The following MTCL1 variants were observed in gnomAD, a reference collection of about 807,000 sequenced individuals.
MTCL1 encodes microtubule crosslinking factor 1.
In MTCL1, 79 loss-of-function variants were observed where a neutral mutation model predicts 141.4. The ratio of observed to expected loss-of-function variants is 0.56; its 90% CI spans 0.47 to 0.67. MTCL1 has a LOEUF of 0.67. Ranked by LOEUF, MTCL1 falls within the 30% of genes least tolerant of loss-of-function variation. The probability of loss-of-function intolerance (pLI) is 0.00; values close to 1 mark genes in which losing one functional copy is unlikely to be tolerated. For synonymous variants in MTCL1, 914 were observed against 875.8 expected (o/e 1.04, Z -0.77); for missense variants, 2,177 against 2,113.9 (o/e 1.03, Z -0.59).
At chr18:8,736,704 C>A (rs2096276266) in intron 4 of MTCL1, among the ~76,000 whole-genome samples, 1 of 140,878 alleles carries the variant, frequency 7.1e-6, no homozygotes, top group Non-Finnish European at 1.5e-5. Flanking sequence ...GTGGCTGGAT[C>A]TTGGCTCACT....
intron 3 of MTCL1, 61 bp from the exon 3 acceptor site, chr18:8,720,277 T>C: frequency 1.3e-6 from 2 of 1,562,410 alleles, no homozygotes; most frequent in East Asian, 2.2e-5. Flanking sequence ...TGTTGTCTGA[T>C]AGTACCCTTA....
At chr18:8,785,584 C>T in intron 6 of MTCL1, 1 of 261,778 alleles carries the variant, frequency 3.8e-6, no homozygotes, top group Non-Finnish European at 7.3e-6. Context: ...TTTCCGTTTC[C>T]TTCACGGGTA....
In MTCL1 at chr18:8,738,162, A is replaced by G. The variant is rs763446395; in HGVS notation, c.357+17666A>G. Among the ~76,000 whole-genome samples the G allele has an allele frequency of 1.5e-4, 23 of 152,270 alleles. No individual in the cohort carries two copies. The Middle Eastern group carries it at 0.014, about 90-fold the overall frequency. On this transcript the variant is annotated intron_variant, in intron 4 of 16. Coordinates refer to ENST00000359865, the Ensembl canonical transcript of MTCL1. ...GTGGGGTGGGCTTCCTCTCACCGCA[A>G]AGCTTAGGGGCCCATTCCCACCTGG... is the stretch of plus-strand genomic sequence containing the variant.
chr18:8,727,895 C>CCTCT (rs35191368), intron 4 of MTCL1, among the ~76,000 whole-genome samples: 73 of 142,206 alleles, frequency 5.1e-4, no homozygotes, highest in South Asian at 4.1e-3. Flanking sequence ...TCCCTCCCTC[C>CCTCT]CTCTCTCTCT....
chr18:8,750,266 G>A (rs1238718647), intron 4 of MTCL1, among the ~76,000 whole-genome samples: 2 of 152,100 alleles, frequency 1.3e-5, no homozygotes, highest in South Asian at 2.1e-4. Flanking sequence ...GGCTGGTCTC[G>A]AACTCCTGAC....
rs547791502 is a variant in MTCL1, at chr18:8,746,850, G to A, written c.357+26354G>A. Among the ~76,000 whole-genome samples, 9 of 152,252 alleles carry A rather than the reference G, an allele frequency of 5.9e-5. No homozygotes were observed. In the South Asian group the frequency reaches 8.3e-4, roughly 14 times the overall value. ...TCATGAATATATACCCGAGGACCGC[G>A]TGCACCTACAATAAATGCAAAAAGG... is the stretch of plus-strand genomic sequence containing the variant. On this transcript the variant is annotated intron_variant, in intron 4 of 16. Coordinates refer to ENST00000359865, the Ensembl canonical transcript of MTCL1.
At chr18:8,748,859 G>A (rs1194796031) in intron 4 of MTCL1, among the ~76,000 whole-genome samples, 1 of 152,100 alleles carries the variant, frequency 6.6e-6, no homozygotes, top group Admixed American at 6.6e-5. Context: ...GGGGACCTTT[G>A]TATCTTATGT....
chr18:8,760,656 C>A (rs2096427417), intron 4 of MTCL1, among the ~76,000 whole-genome samples: 1 of 152,110 alleles, frequency 6.6e-6, no homozygotes, highest in Admixed American at 6.6e-5. Context: ...TTTCTTTACT[C>A]CTTTCTTTCT....
intron 5 of MTCL1, among the ~76,000 whole-genome samples, chr18:8,780,449 G>A (rs796220511): frequency 1.3e-5 from 2 of 152,364 alleles, no homozygotes; most frequent in African/African-American, 4.8e-5. Flanking sequence ...GCTCAAGAAG[G>A]GTGGAGAGTG....
At chr18:8,789,399 C>T (rs1280963721) in intron 7 of MTCL1, 6 of 985,208 alleles carry the variant, frequency 6.1e-6, no homozygotes, top group Non-Finnish European at 7.2e-6. Context: ...AGTAGCATTG[C>T]TAGGCACTCT....
intron 4 of MTCL1, among the ~76,000 whole-genome samples, chr18:8,753,750 G>A (rs72936061): frequency 3.9e-5 from 6 of 152,288 alleles, no homozygotes; most frequent in South Asian, 4.1e-4. Flanking sequence ...CTGCAAACAC[G>A]GTCCTGAGAA....
At chr18:8,761,666 G>A (rs538057964) in intron 4 of MTCL1, among the ~76,000 whole-genome samples, 1 of 152,188 alleles carries the variant, frequency 6.6e-6, no homozygotes, top group African/African-American at 2.4e-5. Context: ...AGTTCCACAT[G>A]GCTGGGGAGA....
chr18:8,788,895 C>T (rs190139852), intron 7 of MTCL1, among the ~76,000 whole-genome samples: 2 of 152,288 alleles, frequency 1.3e-5, no homozygotes, highest in East Asian at 1.9e-4. Flanking sequence ...GAGATATTAG[C>T]GAGATGCTCA....
chr18:8,791,868 A>G (rs2075738686), intron 7 of MTCL1, among the ~76,000 whole-genome samples: 1 of 145,624 alleles, frequency 6.9e-6, no homozygotes, highest in Non-Finnish European at 1.5e-5. Flanking sequence ...CTAGCTTTCA[A>G]AGTTTTATGC....
intron 7 of MTCL1, chr18:8,786,529 C>T: frequency 8.2e-6 from 3 of 366,458 alleles, no homozygotes; most frequent in South Asian, 6.1e-5. Flanking sequence ...CCCACGGTCT[C>T]GAGTGACACT....
At chr18:8,808,555 T>G (rs569916865) in intron 11 of MTCL1, among the ~76,000 whole-genome samples, 1 of 152,282 alleles carries the variant, frequency 6.6e-6, no homozygotes, top group South Asian at 2.1e-4. Flanking sequence ...CCCAAATCAT[T>G]TAGGAAGTTT....
chr18:8,824,568 A>C (rs1163858993), intron 14 of MTCL1, 131 bp from the exon 14 acceptor site: 69 of 698,508 alleles, frequency 9.9e-5, no homozygotes, highest in Non-Finnish European at 4.8e-6. Context: ...TGAGCAGCTG[A>C]CAGTGTTCTC....
At chr18:8,815,044 C>T (rs149147640) in intron 12 of MTCL1, among the ~76,000 whole-genome samples, 2,213 of 152,140 alleles carry the variant, frequency 0.015, 49 homozygotes, top group African/African-American at 0.051. Context: ...CTAGTTCAAC[C>T]ATTGTGGAAG....
At chr18:8,759,729 A>G (rs1453858036) in intron 4 of MTCL1, among the ~76,000 whole-genome samples, 1 of 152,214 alleles carries the variant, frequency 6.6e-6, no homozygotes, top group Non-Finnish European at 1.5e-5. Context: ...ATGGCCACAA[A>G]TGTCAACGTG....
Sources: allele counts gnomAD v4.1 joint callset (sites outside exome capture counted in the v4.1 genomes callset), GRCh38; gene constraint gnomAD v4.1.1; transcripts MANE v1.5; gene names NCBI Gene and HGNC (gene_info 2026-07-23, HGNC 2026-07-21).